Variants in VAV3 observed in about 807,000 individuals in gnomAD.
VAV3 encodes the protein guanine nucleotide exchange factor VAV3.
Under a neutral mutation model 131.2 loss-of-function variants are expected in VAV3, and 94 were observed. The ratio of observed to expected loss-of-function variants is 0.72; its 90% CI spans 0.61 to 0.85. The LOEUF (loss-of-function observed/expected upper bound fraction) is 0.85, where lower values mean the gene tolerates loss of function less well. VAV3 is among the 40% of genes least tolerant of loss of function. VAV3 has a pLI of 0.00. For synonymous variants in VAV3, 349 were observed against 342.0 expected (o/e 1.02, Z -0.22); for missense variants, 939 against 1,002.7 (o/e 0.94, Z 0.86).
chr1:107,786,601 T>C (rs943447773), intron 2 of VAV3, among the ~76,000 whole-genome samples: 1 of 152,242 alleles, frequency 6.6e-6, no homozygotes, highest in African/African-American at 2.4e-5. Context: ...ATCACCTTTG[T>C]TGTCATTGTC....
chr1:107,692,433 T>G (rs1010111660), intron 17 of VAV3, among the ~76,000 whole-genome samples: 1 of 152,166 alleles, frequency 6.6e-6, no homozygotes, highest in Non-Finnish European at 1.5e-5. Flanking sequence ...TACTCAAGTA[T>G]AAAATTGTCT....
At chr1:107,942,826 T>C (rs1003675978) in intron 1 of VAV3, among the ~76,000 whole-genome samples, 1 of 152,218 alleles carries the variant, frequency 6.6e-6, no homozygotes, top group African/African-American at 2.4e-5. Flanking sequence ...GAATATGCCA[T>C]ATATTTCTTA....
intron 1 of VAV3, among the ~76,000 whole-genome samples, chr1:107,885,718 G>C (rs1396400165): frequency 6.6e-6 from 1 of 151,982 alleles, no homozygotes; most frequent in African/African-American, 2.4e-5. Context: ...AAAGCCACTG[G>C]GGCACAGACA....
In VAV3 at chr1:107,621,640, T is replaced by G. The variant is rs116563542; in HGVS notation, c.1915-4008A>C. On this transcript the variant is annotated intron_variant, in intron 20 of 26. Transcript: ENST00000370056. The stretch of plus-strand genomic sequence containing the variant: ...GAGACATGCAACTGAATTTCCTTCT[T>G]CTTTACATTACTCTGTGGGCATTTT... 6.4e-3 allele frequency among the ~76,000 whole-genome samples: 967 copies of G among 152,260 alleles called. 11 individuals are homozygous for G. The highest frequency in any genetic ancestry group is 0.022 in the African/African-American group (931 of 41,562).
At chr1:107,633,277 G>A (rs1654644014) in intron 20 of VAV3, among the ~76,000 whole-genome samples, 1 of 152,140 alleles carries the variant, frequency 6.6e-6, no homozygotes, top group Non-Finnish European at 1.5e-5. Context: ...AGAAAAATAT[G>A]AATTCCAAAA....
chr1:107,954,999 A>G lies in VAV3; in HGVS notation c.204+9667T>C, dbSNP rs533236466. On this transcript the variant is annotated intron_variant, in intron 1 of 26. Transcript: ENST00000370056. ...GTTGGACAATTAGATGAGATAATGC[A>G]TGGAAAGCTTTAGTAACTGCCTTGT... Among the ~76,000 whole-genome samples the G allele has an allele frequency of 3.3e-5, 5 of 152,354 alleles. No individual in the cohort carries two copies. In the South Asian group the frequency reaches 1.0e-3, roughly 32 times the overall value.
intron 19 of VAV3, among the ~76,000 whole-genome samples, chr1:107,667,132 C>A (rs1570717497): frequency 6.6e-6 from 1 of 152,184 alleles, no homozygotes; most frequent in South Asian, 2.1e-4. Flanking sequence ...ACCTTCTATA[C>A]CTCTGCTCCA....
chr1:107,876,188 T>A (rs937679890), intron 1 of VAV3, among the ~76,000 whole-genome samples: 1 of 152,152 alleles, frequency 6.6e-6, no homozygotes, highest in African/African-American at 2.4e-5. Flanking sequence ...CTATATCAGA[T>A]GCTGCAGACG....
chr1:107,688,496 C>T (rs1314031488), intron 17 of VAV3, 90 bp from the exon 18 acceptor site: 3 of 1,590,576 alleles, frequency 1.9e-6, no homozygotes, highest in African/African-American at 2.7e-5. Context: ...GGTAAAACAC[C>T]ACTGCTTTGT....
intron 25 of VAV3, among the ~76,000 whole-genome samples, chr1:107,577,427 T>C (rs1191436351): frequency 6.6e-6 from 1 of 152,238 alleles, no homozygotes; most frequent in African/African-American, 2.4e-5. Context: ...TCTCCCAGTA[T>C]TTATTCTCCC....
chr1:107,739,766 A>G (rs1362772135), intron 15 of VAV3, among the ~76,000 whole-genome samples: 2 of 152,062 alleles, frequency 1.3e-5, no homozygotes, highest in East Asian at 1.9e-4. Flanking sequence ...GGCTTTGGAC[A>G]CTAAGAAAAT....
At chr1:107,762,256 G>T (rs4415601) in intron 9 of VAV3, among the ~76,000 whole-genome samples, 96,111 of 151,938 alleles carry the variant, frequency 0.63, 31,105 homozygotes, top group Non-Finnish European at 0.7. Context: ...AAAATACACT[G>T]TTGCTCACAA....
intron 2 of VAV3, among the ~76,000 whole-genome samples, chr1:107,855,872 G>A (rs1259798092): frequency 6.6e-6 from 1 of 152,198 alleles, no homozygotes; most frequent in East Asian, 1.9e-4. Context: ...TGAGTCCAGA[G>A]AAAGGAAAAT....
At chr1:107,754,744 T>C (rs1441863746) in intron 12 of VAV3, among the ~76,000 whole-genome samples, 1 of 152,186 alleles carries the variant, frequency 6.6e-6, no homozygotes, top group African/African-American at 2.4e-5. Flanking sequence ...CTCTTACCTT[T>C]CAGCTTCTTG....
intron 20 of VAV3, among the ~76,000 whole-genome samples, chr1:107,632,337 A>C (rs1431987919): frequency 6.6e-6 from 1 of 152,178 alleles, no homozygotes; most frequent in African/African-American, 2.4e-5. Context: ...AAAGCTCCCC[A>C]GGTGATTCAG....
intron 3 of VAV3, among the ~76,000 whole-genome samples, chr1:107,778,247 C>T (rs1455376668): frequency 6.6e-6 from 1 of 152,006 alleles, no homozygotes; most frequent in Non-Finnish European, 1.5e-5. Flanking sequence ...TCAAATAAAT[C>T]AGTGTGTGAG....
At chr1:107,717,898 C>G (rs1661216874) in intron 15 of VAV3, among the ~76,000 whole-genome samples, 1 of 152,070 alleles carries the variant, frequency 6.6e-6, no homozygotes, top group Non-Finnish European at 1.5e-5. Context: ...TATCTAAGGA[C>G]TTGCTTTATG....
chr1:107,895,678 G>A lies in VAV3; in HGVS notation c.205-20661C>T, dbSNP rs181681309. 1.9e-3 allele frequency among the ~76,000 whole-genome samples: 294 copies of A among 152,226 alleles called. 3 individuals carry two copies. Among genetic ancestry groups the A allele is most frequent in the African/African-American group, 7.0e-3 (289 of 41,538 alleles). ...AAGAAAAACTGGTATTATTGGCCAC[G>A]TCACTGATTTCTGTACACTTGTAAA... On this transcript the variant is annotated intron_variant, in intron 1 of 26. Transcript: ENST00000370056.
At chr1:107,628,481 C>T (rs1480756523) in intron 20 of VAV3, among the ~76,000 whole-genome samples, 2 of 152,170 alleles carry the variant, frequency 1.3e-5, no homozygotes, top group African/African-American at 2.4e-5. Flanking sequence ...CCCCCAGGTT[C>T]GTTGCCTCTG....
Sources: allele counts gnomAD v4.1 joint callset (sites outside exome capture counted in the v4.1 genomes callset), GRCh38; gene constraint gnomAD v4.1.1; transcripts MANE v1.5; gene names NCBI Gene and HGNC (gene_info 2026-07-23, HGNC 2026-07-21).